Variants in RASGRF1 observed in about 807,000 individuals in gnomAD.
RASGRF1 encodes Ras protein specific guanine nucleotide releasing factor 1.
Under a neutral mutation model 138.7 loss-of-function variants are expected in RASGRF1, and 40 were observed. The observed-to-expected ratio is 0.29, with a 90% CI of 0.22 to 0.38. The LOEUF is 0.38. Ranked by LOEUF, RASGRF1 falls within the 10% of genes least tolerant of loss-of-function variation. The pLI is 1.00. For missense variants in RASGRF1, 1,108 were observed against 1,650.4 expected (o/e 0.67, Z 5.69); for synonymous variants, 614 against 663.2 (o/e 0.93, Z 1.14).
In RASGRF1 at chr15:79,027,681, C is replaced by T. The variant is rs1191858342; in HGVS notation, c.1381+60G>A. ...CTGGTGGCGTCCCCGAGTGCCGCCT[C>T]CCTCCCGCTGCTGGGGCCCACCTGG... On this transcript the variant is annotated intron_variant, in intron 9 of 26. Transcript: ENST00000558480. This position sits in a 1 kb window ranked among gnomAD's most constrained non-coding sequence, Gnocchi z 4.8. 1.3e-6 allele frequency: 2 copies of T among 1,527,510 alleles called. No individual in the cohort carries two copies. The highest frequency in any genetic ancestry group is 1.1e-5 in the South Asian group (1 of 87,914). The allele number at this position is 1,527,510 out of a possible 1,614,324, so 94.6% of individuals were successfully genotyped here.
At chr15:78,983,975 G>A (rs1225423471) in intron 23 of RASGRF1, among the ~76,000 whole-genome samples, 1 of 152,206 alleles carries the variant, frequency 6.6e-6, no homozygotes, top group East Asian at 1.9e-4. Flanking sequence ...AGAAGGTGAG[G>A]GAAGGGTAGC....
chr15:78,990,661 A>G (rs2056250454), intron 21 of RASGRF1, among the ~76,000 whole-genome samples: 1 of 152,244 alleles, frequency 6.6e-6, no homozygotes, highest in African/African-American at 2.4e-5. Flanking sequence ...GCTGGTCTGT[A>G]GGATGAGGGA....
At chr15:78,984,942 G>A (rs558728443) in intron 23 of RASGRF1, 65 bp downstream of exon 23, 211 of 1,537,972 alleles carry the variant, frequency 1.4e-4, no homozygotes, top group South Asian at 1.3e-3. Context: ...GCCAGCCCAC[G>A]GGTCTTCCTG....
Position 79,090,536 on chromosome 15 carries a change from C to G in RASGRF1, c.-38G>C. On this transcript the variant is annotated 5_prime_UTR_variant, in exon 1 of 27. Transcript: ENST00000558480. ...CCAGCGAGACCCCACGCGCTTACAT[C>G]TTCTCCGCGCAGCAGCCCCCCGTCC... The G allele has an allele frequency of 6.3e-7, 1 of 1,594,366 alleles. No homozygotes were observed. Among genetic ancestry groups the G allele is most frequent in the East Asian group, 2.2e-5 (1 of 44,546 alleles).
chr15:79,019,011 C>A (rs1411622816), intron 11 of RASGRF1, among the ~76,000 whole-genome samples: 1 of 152,100 alleles, frequency 6.6e-6, no homozygotes, highest in Non-Finnish European at 1.5e-5. Flanking sequence ...ATTGGAAGGG[C>A]ATGAGGGGAG....
chr15:78,968,683 C>T (rs1055940270), intron 26 of RASGRF1, among the ~76,000 whole-genome samples: 23 of 152,112 alleles, frequency 1.5e-4, no homozygotes, highest in African/African-American at 5.3e-4. Flanking sequence ...CTGGCTCATG[C>T]CAGCCTGCAT....
intron 18 of RASGRF1, 87 bp downstream of exon 18, chr15:78,998,632 C>A (rs567054101): frequency 1.8e-6 from 2 of 1,139,650 alleles, no homozygotes; most frequent in Non-Finnish European, 2.6e-6. Flanking sequence ...GCTCACTCTG[C>A]CCGCAGCTGC....
rs1261621288 is a variant in RASGRF1, at chr15:79,006,480, T to C, written c.1827-46A>G. Reference sequence around the variant, plus strand: ...CAGAGGTGATGTGGGTCTAAAGGCATCTGAATGGCACCCACCAGGCCTGCT... The same window carrying C: ...CAGAGGTGATGTGGGTCTAAAGGCACCTGAATGGCACCCACCAGGCCTGCT... On this transcript the variant is annotated intron_variant, in intron 13 of 26. Transcript: ENST00000558480. This position sits in a 1 kb window ranked among gnomAD's most constrained non-coding sequence, Gnocchi z 4.0. The C allele has an allele frequency of 1.3e-6, 2 of 1,579,912 alleles. No homozygotes were observed. The highest frequency in any genetic ancestry group is 1.7e-6 in the Non-Finnish European group (2 of 1,165,692).
chr15:79,071,841 A>G lies in RASGRF1; in HGVS notation c.277-7315T>C, dbSNP rs1173775230. 3.9e-5 allele frequency among the ~76,000 whole-genome samples: 6 copies of G among 152,066 alleles called. No individual in the cohort carries two copies. In the East Asian group the frequency reaches 1.2e-3, roughly 29 times the overall value. ...GTGGCACCCCATATTAGGGCCCCCT[A>G]GTTTTCCCTTTCTTGGCTCCCTCCT... On this transcript the variant is annotated intron_variant, in intron 1 of 26. Coordinates refer to ENST00000558480, the MANE Select transcript of RASGRF1 (RefSeq NM_001145648.3).
Position 79,073,737 on chromosome 15 carries a change from T to A in RASGRF1, c.277-9211A>T, listed in dbSNP as rs912608296. ...TTACGTGTGCTGGGAATGCTGCCTGTACTGTGGTTCTTGTTCTTCCAAGAA... is the reference window on the plus strand; with the variant it reads ...TTACGTGTGCTGGGAATGCTGCCTGAACTGTGGTTCTTGTTCTTCCAAGAA... On this transcript the variant is annotated intron_variant, in intron 1 of 26. Transcript: ENST00000558480. The surrounding 1 kb of genome is among the most constrained non-coding windows in gnomAD (Gnocchi z 4.2). 6.6e-6 allele frequency among the ~76,000 whole-genome samples: 1 copy of A among 152,202 alleles called. No individual in the cohort carries two copies. Among genetic ancestry groups the A allele is most frequent in the East Asian group, 1.9e-4 (1 of 5,198 alleles).
intron 6 of RASGRF1, among the ~76,000 whole-genome samples, chr15:79,033,345 T>G (rs56191754): frequency 0.023 from 3,569 of 152,046 alleles, 124 homozygotes; most frequent in African/African-American, 0.082. Flanking sequence ...CGTGTTCAAG[T>G]GATTCTCCCA....
At chr15:78,972,634 C>T (rs1248007061) in intron 25 of RASGRF1, among the ~76,000 whole-genome samples, 1 of 152,152 alleles carries the variant, frequency 6.6e-6, no homozygotes, top group Non-Finnish European at 1.5e-5. Flanking sequence ...TTTCGCTCTT[C>T]AGGATGGTGC....
chr15:78,970,892 CT>C lies in RASGRF1; in HGVS notation c.3681+973del, dbSNP rs569759637. Reference sequence around the variant, plus strand: ...CTTGCAAATCTTTTAAAAATGCAAACTAGTCCAATTATATAACCTCCTTTCA... The same window carrying C: ...CTTGCAAATCTTTTAAAAATGCAAACAGTCCAATTATATAACCTCCTTTCA... On this transcript the variant is annotated intron_variant, in intron 26 of 26. Coordinates refer to ENST00000558480, the MANE Select transcript of RASGRF1 (RefSeq NM_001145648.3). Among the ~76,000 whole-genome samples, 81 of 148,586 alleles carry C rather than the reference CT, an allele frequency of 5.5e-4. No individual in the cohort carries two copies. The South Asian group carries it at 0.013, about 23-fold the overall frequency.
At chr15:79,002,820 C>T (rs1361023230) in intron 15 of RASGRF1, among the ~76,000 whole-genome samples, 2 of 152,244 alleles carry the variant, frequency 1.3e-5, no homozygotes, top group Non-Finnish European at 2.9e-5. Context: ...GTGCCCTCTG[C>T]TGGGGGTGCC....
At chr15:79,018,159 A>C (rs956924863) in intron 11 of RASGRF1, among the ~76,000 whole-genome samples, 2 of 152,254 alleles carry the variant, frequency 1.3e-5, no homozygotes, top group Non-Finnish European at 2.9e-5. Context: ...TTTAGGAATC[A>C]CAGTCTGCCC....
intron 3 of RASGRF1, among the ~76,000 whole-genome samples, chr15:79,052,672 C>A (rs1260669351): frequency 2.0e-5 from 3 of 152,120 alleles, no homozygotes; most frequent in Non-Finnish European, 4.4e-5. Context: ...TGGCAAGGCT[C>A]CCCAGGAAAG....
At chr15:79,000,412 C>T (rs1025072099) in intron 16 of RASGRF1, among the ~76,000 whole-genome samples, 2 of 152,156 alleles carry the variant, frequency 1.3e-5, no homozygotes, top group African/African-American at 4.8e-5. Context: ...TCTCCCCTAC[C>T]CCCTACTAGC....
chr15:78,998,584 G>C (rs2056446627), intron 18 of RASGRF1, 135 bp downstream of exon 18: 1 of 736,094 alleles, frequency 1.4e-6, no homozygotes, highest in Non-Finnish European at 2.4e-6. Context: ...TGGCACATTT[G>C]AGCTCCCTCC....
intron 12 of RASGRF1, among the ~76,000 whole-genome samples, chr15:79,015,661 G>A (rs920164398): frequency 6.6e-6 from 1 of 152,192 alleles, no homozygotes; most frequent in Non-Finnish European, 1.5e-5. Flanking sequence ...ATGCAAAGTG[G>A]GGATAATGAC....
Sources: gnomAD v4.1 joint callset for allele counts (sites outside exome capture counted in the v4.1 genomes callset) on GRCh38, gnomAD v4.1.1 for gene constraint, Gnocchi (gnomAD v3.1) non-coding constraint, MANE v1.5 for transcripts, NCBI Gene and HGNC (gene_info 2026-07-23, HGNC 2026-07-21) for gene names.